Variants in ADGRB3 observed in about 807,000 individuals in gnomAD.
ADGRB3 encodes the protein brain-specific angiogenesis inhibitor 3.
A neutral mutation model predicts 193.4 loss-of-function variants in ADGRB3; 37 were observed. That is an observed-to-expected ratio of 0.19 (90% confidence interval 0.15 to 0.25). ADGRB3 has a LOEUF of 0.25. ADGRB3 is among the 10% of genes least tolerant of loss of function. The probability of loss-of-function intolerance (pLI) is 1.00; values close to 1 mark genes in which losing one functional copy is unlikely to be tolerated. For missense variants in ADGRB3, 1,637 were observed against 1,852.9 expected (o/e 0.88, Z 2.14); for synonymous variants, 690 against 644.2 (o/e 1.07, Z -1.08).
intron 8 of ADGRB3, among the ~76,000 whole-genome samples, chr6:68,972,822 G>A (rs531292569): frequency 1.3e-5 from 2 of 152,310 alleles, no homozygotes; most frequent in East Asian, 3.9e-4. Flanking sequence ...GCTCTGAGGG[G>A]TTGGTGGAGG....
chr6:69,313,249 T>C (rs1351549493), intron 20 of ADGRB3, among the ~76,000 whole-genome samples: 1 of 151,838 alleles, frequency 6.6e-6, no homozygotes, highest in Non-Finnish European at 1.5e-5. Context: ...CCATAGTTGT[T>C]AGAGCACCCC....
chr6:69,021,227 T>G (rs1770254083), intron 13 of ADGRB3, among the ~76,000 whole-genome samples: 1 of 151,944 alleles, frequency 6.6e-6, no homozygotes, highest in Non-Finnish European at 1.5e-5. Context: ...TTAAGACTAC[T>G]TAAAGAACTT....
At chr6:69,385,358 A>G (rs1295073664) in intron 31 of ADGRB3, among the ~76,000 whole-genome samples, 1 of 151,958 alleles carries the variant, frequency 6.6e-6, no homozygotes, top group Non-Finnish European at 1.5e-5. Flanking sequence ...AAAGGAGAAA[A>G]GAGAAAAGGA....
chr6:69,335,759 A>G (rs994624523), intron 24 of ADGRB3, among the ~76,000 whole-genome samples: 1 of 152,080 alleles, frequency 6.6e-6, no homozygotes, highest in African/African-American at 2.4e-5. Context: ...AATTGTAAAA[A>G]TCATTTCAGC....
At chr6:68,910,669 T>C (rs901858897) in intron 3 of ADGRB3, among the ~76,000 whole-genome samples, 8 of 152,252 alleles carry the variant, frequency 5.3e-5, no homozygotes, top group East Asian at 3.8e-4. Context: ...GGGAATCCTT[T>C]GCCCATTTCT....
At chr6:69,258,924 A>C (rs1195706918) in intron 20 of ADGRB3, among the ~76,000 whole-genome samples, 1 of 152,210 alleles carries the variant, frequency 6.6e-6, no homozygotes, top group African/African-American at 2.4e-5. Context: ...AGACTGCAAC[A>C]AAAAACAGAA....
At chr6:68,684,812 T>C (rs937815646) in intron 3 of ADGRB3, among the ~76,000 whole-genome samples, 2 of 152,178 alleles carry the variant, frequency 1.3e-5, no homozygotes, top group African/African-American at 4.8e-5. Flanking sequence ...AAATTATTAC[T>C]AGTCACTCAA....
chr6:69,151,855 A>G (rs1223872228), intron 17 of ADGRB3, among the ~76,000 whole-genome samples: 1 of 152,054 alleles, frequency 6.6e-6, no homozygotes, highest in African/African-American at 2.4e-5. Context: ...CATGGGAGGG[A>G]CCCAGTGGGA....
chr6:69,234,757 T>C (rs1766224040), intron 18 of ADGRB3, among the ~76,000 whole-genome samples: 1 of 152,094 alleles, frequency 6.6e-6, no homozygotes, highest in Non-Finnish European at 1.5e-5. Flanking sequence ...TTTAAGGTCT[T>C]GATTTTCGAA....
chr6:69,318,937 TATC>T (rs1446606119), intron 20 of ADGRB3, among the ~76,000 whole-genome samples: 1 of 150,948 alleles, frequency 6.6e-6, no homozygotes, highest in Non-Finnish European at 1.5e-5. Context: ...CACCTTTAAA[TATC>T]ATCACAATGG....
intron 28 of ADGRB3, among the ~76,000 whole-genome samples, chr6:69,357,975 ATGGAATGTGATTTGTCCGGG>A (rs1020437184): frequency 5.9e-5 from 9 of 151,972 alleles, no homozygotes; most frequent in Admixed American, 3.9e-4. Context: ...ATGTTCCAAG[ATGGAATGTGATTTGTCCGGG>A]TTTAGAAGCT....
At chr6:68,741,700 C>T (rs1219708581) in intron 3 of ADGRB3, among the ~76,000 whole-genome samples, 1 of 152,156 alleles carries the variant, frequency 6.6e-6, no homozygotes, top group Admixed American at 6.6e-5. Flanking sequence ...CCTTCTTAAC[C>T]ACTGTTTGTT....
chr6:69,063,735 CA>C (rs1771819058), intron 16 of ADGRB3, among the ~76,000 whole-genome samples: 1 of 151,924 alleles, frequency 6.6e-6, no homozygotes. Context: ...TAAATCTATC[CA>C]ACTGCAGCTG....
chr6:69,042,104 T>A (rs888010216), intron 13 of ADGRB3, among the ~76,000 whole-genome samples: 1 of 152,196 alleles, frequency 6.6e-6, no homozygotes, highest in African/African-American at 2.4e-5. Flanking sequence ...CCCCATTCAC[T>A]GGGCATTCAT....
At position 69,266,665 on chromosome 6, in the gene ADGRB3, C is replaced by T. The variant is rs571818623; in HGVS notation, c.2814+27439C>T. ...GTATGTGTGCATACACAGATATATACACACATACATACACACAAATATATT... is the reference window on the plus strand; with the variant it reads ...GTATGTGTGCATACACAGATATATATACACATACATACACACAAATATATT... On this transcript the variant is annotated intron_variant, in intron 20 of 31. Transcript: ENST00000370598. 2.6e-5 allele frequency among the ~76,000 whole-genome samples: 4 copies of T among 152,068 alleles called. No homozygotes were observed. The East Asian group carries it at 7.7e-4, about 29-fold the overall frequency.
chr6:68,749,408 ATG>A (rs60078030), intron 3 of ADGRB3, among the ~76,000 whole-genome samples: 46,467 of 136,300 alleles, frequency 0.34, 8,274 homozygotes, highest in East Asian at 0.58. Flanking sequence ...ATATATATAT[ATG>A]TGTGTGTGTG....
chr6:69,325,122 T>G, intron 21 of ADGRB3, 100 bp downstream of exon 21: 1 of 1,389,842 alleles, frequency 7.2e-7, no homozygotes, highest in South Asian at 1.5e-5. Context: ...ACTTTGTGTC[T>G]AATTTAATCT....
At chr6:68,912,296 A>C (rs1341078843) in intron 3 of ADGRB3, among the ~76,000 whole-genome samples, 1 of 151,876 alleles carries the variant, frequency 6.6e-6, no homozygotes, top group Non-Finnish European at 1.5e-5. Flanking sequence ...GTGGCCTAAT[A>C]TTAACACTTA....
chr6:68,976,976 CAT>C (rs969287030), intron 10 of ADGRB3, among the ~76,000 whole-genome samples: 126 of 149,136 alleles, frequency 8.4e-4, no homozygotes, highest in African/African-American at 2.9e-3. Context: ...ATCACATAAA[CAT>C]AAAGTTTTAT....
Sources: gnomAD v4.1 joint callset for allele counts (sites outside exome capture counted in the v4.1 genomes callset) on GRCh38, gnomAD v4.1.1 for gene constraint, MANE v1.5 for transcripts, NCBI Gene and HGNC (gene_info 2026-07-23, HGNC 2026-07-21) for gene names.